The following RASGRF2 variants were observed in gnomAD, a reference collection of about 807,000 sequenced individuals.
The protein encoded by RASGRF2 is Ras protein specific guanine nucleotide releasing factor 2.
A neutral mutation model predicts 151.0 loss-of-function variants in RASGRF2; 76 were observed. The ratio of observed to expected loss-of-function variants is 0.50; its 90% CI spans 0.42 to 0.61. The LOEUF (loss-of-function observed/expected upper bound fraction) is 0.61, where lower values mean the gene tolerates loss of function less well. RASGRF2 is among the 20% of genes least tolerant of loss of function. The probability of loss-of-function intolerance (pLI) is 0.00; values close to 1 mark genes in which losing one functional copy is unlikely to be tolerated. For synonymous variants in RASGRF2, 504 were observed against 566.5 expected (o/e 0.89, Z 1.57); for missense variants, 1,148 against 1,564.6 (o/e 0.73, Z 4.49).
intron 17 of RASGRF2, among the ~76,000 whole-genome samples, chr5:81,147,926 T>G (rs1373161755): frequency 6.6e-6 from 1 of 152,198 alleles, no homozygotes; most frequent in Non-Finnish European, 1.5e-5. Context: ...CGTAGATGTG[T>G]ATGAAACAAG....
chr5:81,224,006 T>C (rs1755917895), intron 26 of RASGRF2, among the ~76,000 whole-genome samples: 1 of 152,186 alleles, frequency 6.6e-6, no homozygotes, highest in Admixed American at 6.5e-5. Context: ...ATTAAGGACT[T>C]CTATATGACA....
At chr5:81,121,537 G>T (rs1753307825) in intron 15 of RASGRF2, among the ~76,000 whole-genome samples, 1 of 152,204 alleles carries the variant, frequency 6.6e-6, no homozygotes, top group African/African-American at 2.4e-5. Flanking sequence ...TGAGGAGAAA[G>T]AAGCGAAATA....
intron 17 of RASGRF2, among the ~76,000 whole-genome samples, chr5:81,162,207 A>AT (rs1348491440): frequency 7.3e-6 from 1 of 136,192 alleles, no homozygotes; most frequent in Non-Finnish European, 1.6e-5. Flanking sequence ...GGTGGGGGAC[A>AT]TGGGGGGCAG....
intron 17 of RASGRF2, among the ~76,000 whole-genome samples, chr5:81,137,905 G>A (rs1005180013): frequency 7.2e-5 from 11 of 152,220 alleles, no homozygotes; most frequent in African/African-American, 2.7e-4. Context: ...TTGAGACCCA[G>A]ACAGGTTATA....
intron 1 of RASGRF2, among the ~76,000 whole-genome samples, chr5:80,982,618 T>TTTATTATTATTA (rs1748341955): frequency 2.4e-5 from 1 of 41,948 alleles, no homozygotes; most frequent in East Asian, 1.5e-3. Context: ...TATTATTATT[T>TTTATTATTATTA]GAGACAGAGT....
chr5:81,085,772 T>G (rs759776626), intron 7 of RASGRF2, 30 bp from the exon 8 acceptor site: 1 of 1,613,778 alleles, frequency 6.2e-7, no homozygotes, highest in African/African-American at 1.3e-5. Context: ...TCCTGATGTC[T>G]TGCTCATACT....
chr5:81,127,923 CAAAAAAAAAAAAAA>C lies in RASGRF2; in HGVS notation c.2686+771_2686+784del, dbSNP rs60196392. ...TGTGTGACAGAGCAAGACTCCGTCT[CAAAAAAAAAAAAAA>C]AAAAAAAAAAGAAAAGAAAAGAAAA... On this transcript the variant is annotated intron_variant, in intron 17 of 26. Coordinates refer to ENST00000265080, the MANE Select transcript of RASGRF2 (RefSeq NM_006909.3). Among the ~76,000 whole-genome samples the C allele has an allele frequency of 2.9e-4, 19 of 64,880 alleles. 1 individual carries two copies. The East Asian group carries it at 4.9e-3, about 17-fold the overall frequency. 42.6% of individuals were successfully genotyped at this position (64,880 alleles called of 152,430 possible). A position where few individuals can be genotyped will look rare whatever the true frequency, so the allele number is the denominator to read the frequency against.
intron 1 of RASGRF2, chr5:80,997,242 T>C (rs1205778822): frequency 1.3e-5 from 2 of 152,178 alleles, no homozygotes; most frequent in African/African-American, 4.8e-5. Flanking sequence ...TCATCTAGCA[T>C]CTGGCTTCCA....
intron 2 of RASGRF2, among the ~76,000 whole-genome samples, chr5:81,052,831 G>T (rs187674868): frequency 9.9e-4 from 150 of 152,180 alleles, no homozygotes; most frequent in African/African-American, 3.5e-3. Context: ...ACTCCCAAAG[G>T]CCTCATGATT....
intron 1 of RASGRF2, among the ~76,000 whole-genome samples, chr5:81,013,595 T>TTATA (rs149298620): frequency 0.012 from 1,858 of 148,904 alleles, 36 homozygotes; most frequent in African/African-American, 0.044. Context: ...AATATATTTG[T>TTATA]TATATATATA....
At chr5:81,045,357 A>C (rs1750803481) in intron 2 of RASGRF2, among the ~76,000 whole-genome samples, 1 of 152,228 alleles carries the variant, frequency 6.6e-6, no homozygotes, top group South Asian at 2.1e-4. Context: ...AACCAAACAC[A>C]AATAATGCAA....
chr5:81,203,383 T>C (rs1248295524), intron 19 of RASGRF2, among the ~76,000 whole-genome samples: 1 of 152,188 alleles, frequency 6.6e-6, no homozygotes, highest in East Asian at 1.9e-4. Context: ...ATGCCAGACT[T>C]TACCCATCAA....
chr5:80,960,761 A>G lies in RASGRF2; in HGVS notation c.23A>G (p.Asn8Ser), dbSNP rs1488991502. The G allele has an allele frequency of 1.2e-6, 2 of 1,603,262 alleles. No homozygotes were observed. Among genetic ancestry groups the G allele is most frequent in the Admixed American group, 1.7e-5 (1 of 59,528 alleles). The change falls in exon 1 of 27, where the codon AAC (asparagine) becomes AGC (serine). Residue 8 changes from asparagine to serine, a missense_variant. Asn to Ser is a conservative substitution (Grantham distance 46). Transcript: ENST00000265080. This position sits in a 1 kb window ranked among gnomAD's most constrained non-coding sequence, Gnocchi z 5.5. MQKSVRYNEGHALYLAFL... is the reference protein window; with the variant it reads MQKSVRYSEGHALYLAFL... ...ACCATGCAGAAGAGCGTGCGCTACA[A>G]CGAGGGGCACGCCCTGTACCTGGCC...
At chr5:81,012,460 A>G (rs938468512) in intron 1 of RASGRF2, among the ~76,000 whole-genome samples, 2 of 152,190 alleles carry the variant, frequency 1.3e-5, no homozygotes, top group Admixed American at 6.5e-5. Flanking sequence ...ATTTACATCC[A>G]GCAGATCTCT....
At chr5:80,970,138 C>T (rs377526350) in intron 1 of RASGRF2, among the ~76,000 whole-genome samples, 36 of 152,284 alleles carry the variant, frequency 2.4e-4, no homozygotes, top group African/African-American at 8.4e-4. Flanking sequence ...AGTTTTTCAA[C>T]AGTGAGAATG....
intron 1 of RASGRF2, among the ~76,000 whole-genome samples, chr5:81,020,327 CT>C (rs1172413695): frequency 2.0e-5 from 3 of 151,892 alleles, no homozygotes; most frequent in Admixed American, 6.6e-5. Flanking sequence ...TTAAGGGGGT[CT>C]TTTTTTTCTT....
intron 1 of RASGRF2, among the ~76,000 whole-genome samples, chr5:80,977,670 T>C (rs1748168790): frequency 6.6e-6 from 1 of 152,224 alleles, no homozygotes; most frequent in Admixed American, 6.5e-5. Flanking sequence ...TTGGTGAGGC[T>C]GGTCTCGAAC....
intron 17 of RASGRF2, among the ~76,000 whole-genome samples, chr5:81,171,026 A>G (rs575336576): frequency 2.6e-5 from 4 of 152,290 alleles, no homozygotes; most frequent in East Asian, 1.9e-4. Context: ...ACCTTTTTGT[A>G]TAAATTATTA....
In RASGRF2 at chr5:80,976,145, A is replaced by T. The variant is rs181219810; in HGVS notation, c.288+15119A>T. ...AGGTGTAACCACCACGCCCGGCTAA[A>T]GCAATCATCTTTCTGTAGGCCTGTA... On this transcript the variant is annotated intron_variant, in intron 1 of 26. Transcript: ENST00000265080. Among the ~76,000 whole-genome samples the T allele has an allele frequency of 1.4e-4, 22 of 152,292 alleles. No individual in the cohort carries two copies. In the East Asian group the frequency reaches 3.7e-3, roughly 25 times the overall value.
Sources: gnomAD v4.1 joint callset for allele counts (sites outside exome capture counted in the v4.1 genomes callset) on GRCh38, gnomAD v4.1.1 for gene constraint, Gnocchi (gnomAD v3.1) non-coding constraint, MANE v1.5 for transcripts, NCBI Gene and HGNC (gene_info 2026-07-23, HGNC 2026-07-21) for gene names.